PHACTR3: variants seen among roughly 807,000 people sequenced by gnomAD.
PHACTR3 encodes phosphatase and actin regulator 3, also known as protein phosphatase 1, regulatory subunit 123.
A neutral mutation model predicts 66.8 loss-of-function variants in PHACTR3; 16 were observed. The ratio of observed to expected loss-of-function variants is 0.24; its 90% CI spans 0.16 to 0.36. The LOEUF is 0.36. Ranked by LOEUF, PHACTR3 falls within the 10% of genes least tolerant of loss-of-function variation. The pLI is 1.00. For missense variants in PHACTR3, 647 were observed against 719.9 expected, an observed-to-expected ratio of 0.90 and a Z score of 1.16; for synonymous variants, 323 against 292.1, an observed-to-expected ratio of 1.11 and a Z score of -1.08.
chr20:59,704,630 A>T, intron 1 of PHACTR3, among the ~76,000 whole-genome samples: 1 of 135,762 alleles, frequency 7.4e-6, no homozygotes. Flanking sequence ...CATTTTTTAC[A>T]TTATACTAAA....
In PHACTR3 at chr20:59,820,649, A is replaced by G. The variant is rs2042007577; in HGVS notation, c.1328+14455A>G. On this transcript the variant is annotated intron_variant, in intron 8 of 12. Transcript: ENST00000371015. The surrounding 1 kb of genome is among the most constrained non-coding windows in gnomAD (Gnocchi z 4.6). Reference sequence around the variant, plus strand: ...GGAGAGGCTCAGGCCCCTTCTGTGCAGTGTCAATATGAAGTGGCCCTGTCC... The same window carrying G: ...GGAGAGGCTCAGGCCCCTTCTGTGCGGTGTCAATATGAAGTGGCCCTGTCC... Among the ~76,000 whole-genome samples, 1 of 152,174 alleles carries G rather than the reference A, an allele frequency of 6.6e-6. No individual in the cohort carries two copies. The highest frequency in any genetic ancestry group is 2.4e-5 in the African/African-American group (1 of 41,442).
chr20:59,739,340 G>A (rs1568765206), intron 1 of PHACTR3, among the ~76,000 whole-genome samples: 1 of 152,140 alleles, frequency 6.6e-6, no homozygotes, highest in South Asian at 2.1e-4. Context: ...GTTAACACTT[G>A]TATTAGTCCG....
At chr20:59,821,386 C>A (rs571042785) in intron 8 of PHACTR3, among the ~76,000 whole-genome samples, 1 of 152,258 alleles carries the variant, frequency 6.6e-6, no homozygotes, top group South Asian at 2.1e-4. Context: ...CCTCCATGGT[C>A]CAGGGTGGCT....
chr20:59,620,998 C>T (rs1445045893), intron 1 of PHACTR3, among the ~76,000 whole-genome samples: 2 of 152,234 alleles, frequency 1.3e-5, no homozygotes, highest in Admixed American at 1.3e-4. Context: ...CTGCTGTCAT[C>T]TTCTTGTTGC....
chr20:59,682,998 A>T (rs2036722231), intron 1 of PHACTR3, among the ~76,000 whole-genome samples: 1 of 152,328 alleles, frequency 6.6e-6, no homozygotes, highest in African/African-American at 2.4e-5. Context: ...GTCCAGGTGG[A>T]CTGACCAGCC....
chr20:59,757,155 C>T (rs943382674), intron 4 of PHACTR3, among the ~76,000 whole-genome samples: 2 of 152,228 alleles, frequency 1.3e-5, no homozygotes, highest in African/African-American at 4.8e-5. Flanking sequence ...CACAGCCCAG[C>T]CCTTGTGTGT....
chr20:59,789,199 C>T (rs936721070), intron 7 of PHACTR3, among the ~76,000 whole-genome samples: 1 of 152,114 alleles, frequency 6.6e-6, no homozygotes, highest in Non-Finnish European at 1.5e-5. Flanking sequence ...CTGCAGGGTG[C>T]AGGGAGGTGG....
At chr20:59,706,470 G>A (rs1756359055) in intron 1 of PHACTR3, among the ~76,000 whole-genome samples, 1 of 152,192 alleles carries the variant, frequency 6.6e-6, no homozygotes, top group Admixed American at 6.5e-5. Flanking sequence ...ATGGCACTGT[G>A]ACCCCATCTA....
At chr20:59,671,237 T>C (rs1053532735) in intron 1 of PHACTR3, among the ~76,000 whole-genome samples, 2 of 152,150 alleles carry the variant, frequency 1.3e-5, no homozygotes, top group African/African-American at 4.8e-5. Flanking sequence ...CCTGGGCAAG[T>C]GGGGCTGTGA....
intron 1 of PHACTR3, among the ~76,000 whole-genome samples, chr20:59,580,106 C>A (rs2032817731): frequency 6.6e-6 from 1 of 152,104 alleles, no homozygotes; most frequent in Admixed American, 6.5e-5. Flanking sequence ...ATGGGGCTGG[C>A]ACTTAAAGGA....
intron 4 of PHACTR3, among the ~76,000 whole-genome samples, chr20:59,765,478 A>G (rs1462593041): frequency 6.6e-6 from 1 of 152,196 alleles, no homozygotes; most frequent in African/African-American, 2.4e-5. Flanking sequence ...CACATACTCC[A>G]TCTCTGCTTT....
At chr20:59,664,454 G>C (rs549694665) in intron 1 of PHACTR3, among the ~76,000 whole-genome samples, 1 of 152,174 alleles carries the variant, frequency 6.6e-6, no homozygotes, top group South Asian at 2.1e-4. Context: ...CTCCTCCAGG[G>C]CTGCTTCTCG....
intron 1 of PHACTR3, among the ~76,000 whole-genome samples, chr20:59,625,861 T>C (rs1490602221): frequency 6.6e-6 from 1 of 152,172 alleles, no homozygotes; most frequent in Non-Finnish European, 1.5e-5. Flanking sequence ...TGTTCGTTTC[T>C]GGCTGGTTCT....
At position 59,738,669 on chromosome 20, in the gene PHACTR3, G is replaced by A. The variant is rs866611079; in HGVS notation, c.119-4438G>A. On this transcript the variant is annotated intron_variant, in intron 1 of 12. Coordinates refer to ENST00000371015, the MANE Select transcript of PHACTR3 (RefSeq NM_080672.5). This position sits in a 1 kb window ranked among gnomAD's most constrained non-coding sequence, Gnocchi z 4.4. ...GTCGTGGGGACCCACCTAACTCCTTGATGCTGTGGCCCTCAGCAGACCCTG... is the reference window on the plus strand; with the variant it reads ...GTCGTGGGGACCCACCTAACTCCTTAATGCTGTGGCCCTCAGCAGACCCTG... Among the ~76,000 whole-genome samples, 2 of 152,146 alleles carry A rather than the reference G, an allele frequency of 1.3e-5. No homozygotes were observed. Among genetic ancestry groups the A allele is most frequent in the Non-Finnish European group, 2.9e-5 (2 of 68,018 alleles).
At chr20:59,620,726 C>T (rs931294324) in intron 1 of PHACTR3, among the ~76,000 whole-genome samples, 1 of 152,182 alleles carries the variant, frequency 6.6e-6, no homozygotes, top group Non-Finnish European at 1.5e-5. Context: ...AATTCGTCAG[C>T]GTTTTGTGGG....
At position 59,759,218 on chromosome 20, in the gene PHACTR3, G is replaced by A. The variant is rs185197953; in HGVS notation, c.541+3854G>A. Among the ~76,000 whole-genome samples the A allele has an allele frequency of 5.0e-3, 766 of 152,156 alleles. 4 individuals carry two copies. The highest frequency in any genetic ancestry group is 0.017 in the African/African-American group (714 of 41,486). The stretch of plus-strand genomic sequence containing the variant: ...CAGCCCTGCAGGCCTGGGATCCTGC[G>A]CCAGGGACCCTGCGCCAGGGACATC... On this transcript the variant is annotated intron_variant, in intron 4 of 12. Transcript: ENST00000371015.
At chr20:59,723,183 T>C (rs2038412861) in intron 1 of PHACTR3, among the ~76,000 whole-genome samples, 1 of 151,798 alleles carries the variant, frequency 6.6e-6, no homozygotes, top group African/African-American at 2.4e-5. Context: ...CACAGTTCTG[T>C]GGTTTTTGCT....
chr20:59,684,690 G>A (rs2036790782), intron 1 of PHACTR3, among the ~76,000 whole-genome samples: 1 of 152,268 alleles, frequency 6.6e-6, no homozygotes, highest in Non-Finnish European at 1.5e-5. Context: ...GCAGGAATCC[G>A]GAAGCGCCTG....
At chr20:59,722,593 G>A (rs1346256837) in intron 1 of PHACTR3, among the ~76,000 whole-genome samples, 4 of 152,160 alleles carry the variant, frequency 2.6e-5, no homozygotes, top group Non-Finnish European at 5.9e-5. Context: ...GGACGGCAAG[G>A]CCTGCTGTGC....
Sources: allele counts gnomAD v4.1 joint callset (sites outside exome capture counted in the v4.1 genomes callset), GRCh38; gene constraint gnomAD v4.1.1; non-coding constraint Gnocchi (gnomAD v3.1); transcripts MANE v1.5; gene names NCBI Gene and HGNC (gene_info 2026-07-23, HGNC 2026-07-21).